The following NRG1 variants were observed in gnomAD, a reference collection of about 807,000 sequenced individuals.
NRG1 encodes the protein pro-neuregulin-1, membrane-bound isoform.
Under a neutral mutation model 63.8 loss-of-function variants are expected in NRG1, and 18 were observed. That is an observed-to-expected ratio of 0.28 (90% CI 0.19 to 0.42). NRG1 has a LOEUF of 0.42. Among genes scored for constraint, NRG1 ranks in the 10% least tolerant of loss-of-function variants. NRG1 has a pLI of 1.00. For synonymous variants in NRG1, 302 were observed against 301.3 expected, an observed-to-expected ratio of 1.00 and a Z score of -0.02; for missense variants, 762 against 814.7, an observed-to-expected ratio of 0.94 and a Z score of 0.79.
At chr8:32,610,517 C>A (rs1485297229) in intron 3 of NRG1, among the ~76,000 whole-genome samples, 1 of 152,070 alleles carries the variant, frequency 6.6e-6, no homozygotes, top group Non-Finnish European at 1.5e-5. Context: ...GGATTAGTGA[C>A]TAAATATAAA....
chr8:31,661,137 AG>A (rs773608543), intron 1 of NRG1, among the ~76,000 whole-genome samples: 38 of 152,174 alleles, frequency 2.5e-4, no homozygotes, highest in Non-Finnish European at 4.9e-4. Context: ...TTTGCTGGAC[AG>A]GGTATTTTAA....
At chr8:32,263,600 G>A (rs1002980432) in intron 1 of NRG1, among the ~76,000 whole-genome samples, 3 of 152,254 alleles carry the variant, frequency 2.0e-5, no homozygotes, top group African/African-American at 7.2e-5. Context: ...TCAAAGAAGA[G>A]AATATATGTG....
chr8:31,806,158 A>T (rs1822266048), intron 1 of NRG1, among the ~76,000 whole-genome samples: 1 of 152,218 alleles, frequency 6.6e-6, no homozygotes, highest in South Asian at 2.1e-4. Flanking sequence ...ATAATAGTCA[A>T]AAAGAAAAGG....
chr8:32,157,866 C>G (rs1255107948), intron 1 of NRG1, among the ~76,000 whole-genome samples: 1 of 151,940 alleles, frequency 6.6e-6, no homozygotes, highest in Non-Finnish European at 1.5e-5. Context: ...TTGACCTGTG[C>G]TTTGAAAGGT....
chr8:32,367,025 A>C (rs376322295), intron 1 of NRG1, among the ~76,000 whole-genome samples: 1 of 151,828 alleles, frequency 6.6e-6, no homozygotes, highest in African/African-American at 2.4e-5. Context: ...CATTTTCTTT[A>C]TCCATTCATC....
At chr8:31,829,320 C>T (rs935581029) in intron 1 of NRG1, among the ~76,000 whole-genome samples, 15 of 152,164 alleles carry the variant, frequency 9.9e-5, no homozygotes, top group Non-Finnish European at 1.9e-4. Flanking sequence ...TTTCATTTCC[C>T]CTAATACATT....
chr8:32,309,195 C>A (rs937262546), intron 1 of NRG1, among the ~76,000 whole-genome samples: 34 of 152,210 alleles, frequency 2.2e-4, no homozygotes, highest in African/African-American at 7.7e-4. Flanking sequence ...GGGAGGGGTA[C>A]CCTTGCCTTA....
chr8:32,723,373 A>G (rs1414883562), intron 5 of NRG1, among the ~76,000 whole-genome samples: 2 of 152,114 alleles, frequency 1.3e-5, no homozygotes, highest in Non-Finnish European at 2.9e-5. Context: ...TGTCTTGCAC[A>G]TAATAAACAG....
intron 1 of NRG1, among the ~76,000 whole-genome samples, chr8:32,520,965 G>A (rs375304322): frequency 6.6e-6 from 1 of 152,128 alleles, no homozygotes; most frequent in South Asian, 2.1e-4. Context: ...CTGTGTTTAA[G>A]CAACCCTTCA....
intron 1 of NRG1, among the ~76,000 whole-genome samples, chr8:32,172,511 GAGA>G (rs1840185914): frequency 6.6e-6 from 1 of 152,174 alleles, no homozygotes; most frequent in Non-Finnish European, 1.5e-5. Context: ...ACTTTGATGA[GAGA>G]AGAAGGCTTC....
chr8:32,180,504 A>G (rs1441473283), intron 1 of NRG1, among the ~76,000 whole-genome samples: 5 of 152,144 alleles, frequency 3.3e-5, no homozygotes, highest in Admixed American at 3.3e-4. Context: ...CTTTAGGTGC[A>G]TTAAGTAACA....
intron 1 of NRG1, among the ~76,000 whole-genome samples, chr8:31,663,629 G>A (rs543683488): frequency 4.5e-4 from 68 of 152,250 alleles, no homozygotes; most frequent in African/African-American, 7.0e-4. Flanking sequence ...TCCCCCAAAT[G>A]TCATATACTT....
intron 1 of NRG1, among the ~76,000 whole-genome samples, chr8:32,433,856 T>C (rs1324557041): frequency 6.6e-6 from 1 of 152,144 alleles, no homozygotes; most frequent in African/African-American, 2.4e-5. Flanking sequence ...CTGAAAGGTT[T>C]GTGGCCTTCC....
At chr8:31,864,265 G>A (rs1050075212) in intron 1 of NRG1, among the ~76,000 whole-genome samples, 4 of 152,162 alleles carry the variant, frequency 2.6e-5, no homozygotes, top group Non-Finnish European at 4.4e-5. Context: ...GCTAAGTAGA[G>A]CAGAACAAAA....
At chr8:31,943,920 G>T (rs773661085) in intron 1 of NRG1, among the ~76,000 whole-genome samples, 2 of 152,168 alleles carry the variant, frequency 1.3e-5, no homozygotes, top group Non-Finnish European at 2.9e-5. Flanking sequence ...CACATTTTGT[G>T]AGGTGGCTGT....
chr8:32,756,806 C>T (rs369320442), intron 9 of NRG1, among the ~76,000 whole-genome samples: 58 of 152,140 alleles, frequency 3.8e-4, no homozygotes, highest in African/African-American at 1.3e-3. Context: ...CTGGGGCTTG[C>T]GTGGAGAGAG....
chr8:32,710,025 T>A (rs1483334697), intron 5 of NRG1, among the ~76,000 whole-genome samples: 1 of 152,208 alleles, frequency 6.6e-6, no homozygotes, highest in Non-Finnish European at 1.5e-5. Context: ...ATGATCCTCA[T>A]ATGTAATTTA....
At chr8:32,357,280 A>G (rs949449089) in intron 1 of NRG1, among the ~76,000 whole-genome samples, 1 of 152,174 alleles carries the variant, frequency 6.6e-6, no homozygotes, top group African/African-American at 2.4e-5. Flanking sequence ...AAAATAAATG[A>G]CTTATAAAAA....
At chr8:32,429,348 C>A (rs1322632257) in intron 1 of NRG1, among the ~76,000 whole-genome samples, 1 of 152,088 alleles carries the variant, frequency 6.6e-6, no homozygotes, top group Non-Finnish European at 1.5e-5. Context: ...TTCCTAGGAC[C>A]AAGTCTTGGC....
Sources: allele counts gnomAD v4.1 joint callset (sites outside exome capture counted in the v4.1 genomes callset), GRCh38; gene constraint gnomAD v4.1.1; transcripts MANE v1.5; gene names NCBI Gene and HGNC (gene_info 2026-07-23, HGNC 2026-07-21).